Variants in ZFAND3 observed in about 807,000 individuals in gnomAD.
The protein encoded by ZFAND3 is zinc finger AN1-type containing 3, also known as AN1-type zinc finger protein 3.
A neutral mutation model predicts 29.6 loss-of-function variants in ZFAND3; 10 were observed. The observed-to-expected ratio is 0.34, with a 90% CI of 0.21 to 0.57. The LOEUF (loss-of-function observed/expected upper bound fraction) is 0.57, where lower values mean the gene tolerates loss of function less well. ZFAND3 is among the 20% of genes least tolerant of loss of function. ZFAND3 has a pLI of 0.86. For synonymous variants in ZFAND3, 128 were observed against 112.6 expected, an observed-to-expected ratio of 1.14 and a Z score of -0.87; for missense variants, 230 against 304.5, an observed-to-expected ratio of 0.76 and a Z score of 1.82.
intron 1 of ZFAND3, among the ~76,000 whole-genome samples, chr6:37,926,342 TCCAAGGTGG>T (rs1761484174): frequency 6.6e-6 from 1 of 152,180 alleles, no homozygotes; most frequent in Admixed American, 6.5e-5. Context: ...CTTCCTTCCC[TCCAAGGTGG>T]CTCTGAGGGA....
At chr6:37,859,862 G>GTTTTT (rs55850662) in intron 1 of ZFAND3, among the ~76,000 whole-genome samples, 26 of 133,274 alleles carry the variant, frequency 2.0e-4, no homozygotes, top group Non-Finnish European at 2.5e-4. Context: ...GCTGGAGTGG[G>GTTTTT]TTTTTTTTTT....
At chr6:38,017,504 C>A (rs920565179) in intron 2 of ZFAND3, among the ~76,000 whole-genome samples, 5 of 152,102 alleles carry the variant, frequency 3.3e-5, no homozygotes, top group African/African-American at 1.2e-4. Flanking sequence ...TTCCACCAAA[C>A]CCTGTTCAAA....
chr6:37,946,924 G>C (rs958744592), intron 2 of ZFAND3, among the ~76,000 whole-genome samples: 15 of 152,094 alleles, frequency 9.9e-5, no homozygotes, highest in African/African-American at 3.6e-4. Flanking sequence ...GTCAATTTGG[G>C]AAGATGAAAA....
intron 1 of ZFAND3, among the ~76,000 whole-genome samples, chr6:37,823,407 T>C (rs1235422923): frequency 6.6e-6 from 1 of 152,204 alleles, no homozygotes; most frequent in Non-Finnish European, 1.5e-5. Context: ...GCAGAATGTT[T>C]TGGCTCCGGC....
chr6:37,946,968 A>T (rs1304890794), intron 2 of ZFAND3, among the ~76,000 whole-genome samples: 1 of 152,112 alleles, frequency 6.6e-6, no homozygotes, highest in Non-Finnish European at 1.5e-5. Context: ...AGCTCTGGAG[A>T]TGGATGTTAG....
At chr6:38,115,898 G>GTGC (rs1224343709) in intron 4 of ZFAND3, among the ~76,000 whole-genome samples, 2 of 152,102 alleles carry the variant, frequency 1.3e-5, no homozygotes, top group Admixed American at 1.3e-4. Context: ...GGGGTGCCTG[G>GTGC]TGCTGCTGCT....
chr6:37,957,708 T>C (rs1455045742), intron 2 of ZFAND3, among the ~76,000 whole-genome samples: 2 of 152,166 alleles, frequency 1.3e-5, no homozygotes, highest in Non-Finnish European at 2.9e-5. Context: ...AGAAATATGG[T>C]AGAACTCTAC....
intron 3 of ZFAND3, among the ~76,000 whole-genome samples, chr6:38,080,847 A>G (rs1338019401): frequency 1.3e-5 from 2 of 152,138 alleles, no homozygotes; most frequent in Non-Finnish European, 2.9e-5. Flanking sequence ...CCCTGTTTTC[A>G]TGTCGCAGTT....
At chr6:37,844,212 C>CT (rs757359065) in intron 1 of ZFAND3, among the ~76,000 whole-genome samples, 74 of 152,156 alleles carry the variant, frequency 4.9e-4, no homozygotes, top group Non-Finnish European at 1.0e-3. Flanking sequence ...GCGTGAGCCA[C>CT]TGCACCTGGC....
intron 2 of ZFAND3, chr6:38,003,924 C>G (rs534285980): frequency 3.3e-6 from 1 of 306,304 alleles, no homozygotes; most frequent in East Asian, 1.3e-4. Flanking sequence ...CTTCTGTCGT[C>G]CGAATGAAAA....
chr6:38,027,214 G>A (rs1268943741), intron 2 of ZFAND3, among the ~76,000 whole-genome samples: 1 of 152,180 alleles, frequency 6.6e-6, no homozygotes, highest in Admixed American at 6.5e-5. Flanking sequence ...TGATTTTCTT[G>A]CGTGACATCC....
intron 1 of ZFAND3, among the ~76,000 whole-genome samples, chr6:37,861,917 T>C (rs1764500012): frequency 6.6e-6 from 1 of 152,258 alleles, no homozygotes; most frequent in South Asian, 2.1e-4. Context: ...GTATGTGTTT[T>C]GCTGCTCTGC....
chr6:37,879,231 A>G (rs1469723755), intron 1 of ZFAND3, among the ~76,000 whole-genome samples: 1 of 152,222 alleles, frequency 6.6e-6, no homozygotes, highest in Non-Finnish European at 1.5e-5. Context: ...GCTCAGAACT[A>G]TCTTTGTATG....
chr6:37,992,031 T>C (rs1372010291), intron 2 of ZFAND3, among the ~76,000 whole-genome samples: 1 of 152,238 alleles, frequency 6.6e-6, no homozygotes, highest in African/African-American at 2.4e-5. Flanking sequence ...CAATGTGATT[T>C]GCATTTTTTT....
chr6:38,075,351 C>A (rs746076853), intron 3 of ZFAND3, among the ~76,000 whole-genome samples: 5 of 152,056 alleles, frequency 3.3e-5, no homozygotes, highest in Admixed American at 6.5e-5. Context: ...TTTATTCTAA[C>A]CCTCATGGAT....
chr6:37,917,680 T>G (rs2127407553), intron 1 of ZFAND3, among the ~76,000 whole-genome samples: 5 of 152,308 alleles, frequency 3.3e-5, no homozygotes, highest in Admixed American at 3.3e-4. Context: ...AGGAAATGAA[T>G]ATTTTGAACT....
chr6:37,825,363 A>G (rs986341542), intron 1 of ZFAND3, among the ~76,000 whole-genome samples: 1 of 152,334 alleles, frequency 6.6e-6, no homozygotes, highest in African/African-American at 2.4e-5. Context: ...TTTACTTTGC[A>G]TCTTTGAGTA....
At chr6:37,897,303 ATGTCTGG>A (rs1764036053) in intron 1 of ZFAND3, among the ~76,000 whole-genome samples, 1 of 152,064 alleles carries the variant, frequency 6.6e-6, no homozygotes, top group South Asian at 2.1e-4. Context: ...GCACTTCTTC[ATGTCTGG>A]TGTGTTTTGC....
intron 1 of ZFAND3, among the ~76,000 whole-genome samples, chr6:37,891,199 A>G (rs749934398): frequency 2.0e-5 from 3 of 152,176 alleles, no homozygotes; most frequent in African/African-American, 4.8e-5. Flanking sequence ...TTAACTTAGT[A>G]TAATGTTTTC....
Sources: allele counts gnomAD v4.1 joint callset (sites outside exome capture counted in the v4.1 genomes callset), GRCh38; gene constraint gnomAD v4.1.1; transcripts MANE v1.5; gene names NCBI Gene and HGNC (gene_info 2026-07-23, HGNC 2026-07-21).